The following PPP1R12C variants were observed in gnomAD, a reference collection of about 807,000 sequenced individuals.
PPP1R12C encodes protein phosphatase 1 regulatory subunit 12C.
In PPP1R12C, 48 loss-of-function variants were observed where a neutral mutation model predicts 95.6. The ratio of observed to expected loss-of-function variants is 0.50; its 90% confidence interval spans 0.40 to 0.64. The LOEUF (loss-of-function observed/expected upper bound fraction) is 0.64. Ranked by LOEUF, PPP1R12C falls within the 30% of genes least tolerant of loss-of-function variation. The pLI, the probability that PPP1R12C is intolerant of heterozygous loss-of-function variation, is 0.00. For synonymous variants in PPP1R12C, 480 were observed against 460.8 expected, an observed-to-expected ratio of 1.04 and a Z score of -0.53; for missense variants, 1,057 against 1,083.3, an observed-to-expected ratio of 0.98 and a Z score of 0.34.
At chr19:55,100,456 T>C (rs2084968301) in intron 4 of PPP1R12C, among the ~76,000 whole-genome samples, 1 of 152,260 alleles carries the variant, frequency 6.6e-6, no homozygotes, top group South Asian at 2.1e-4. Flanking sequence ...CACGAGGCTA[T>C]GAGCCGCACA....
intron 1 of PPP1R12C, chr19:55,113,286 C>G: frequency 2.5e-6 from 2 of 813,686 alleles, no homozygotes; most frequent in Non-Finnish European, 3.5e-6. Flanking sequence ...TCTGCAGGAA[C>G]GAAGCCGTGG....
At chr19:55,107,673 G>T (rs1253068961) in intron 3 of PPP1R12C, among the ~76,000 whole-genome samples, 4 of 141,444 alleles carry the variant, frequency 2.8e-5, no homozygotes, top group African/African-American at 1.1e-4. Flanking sequence ...ACACAGGAAG[G>T]GGAACATCAC....
At chr19:55,101,917 C>G (rs956950841) in intron 4 of PPP1R12C, among the ~76,000 whole-genome samples, 1 of 152,224 alleles carries the variant, frequency 6.6e-6, no homozygotes, top group South Asian at 2.1e-4. Context: ...GCCGAAGGGA[C>G]AGCGGCCTGG....
chr19:55,097,434 G>A (rs1602981869), intron 6 of PPP1R12C, among the ~76,000 whole-genome samples: 1 of 99,230 alleles, frequency 1.0e-5, no homozygotes, highest in Non-Finnish European at 1.9e-5. Context: ...GTTCACCACC[G>A]TCTTCGCCCC....
In PPP1R12C at chr19:55,091,336, C is replaced by T; in HGVS notation, c.*136G>A. 2.1e-6 allele frequency: 2 copies of T among 946,476 alleles called. No individual in the cohort carries two copies. The highest frequency in any genetic ancestry group is 5.3e-5 in the East Asian group (2 of 37,828). The allele number at this position is 946,476 out of a possible 1,614,324, so 58.6% of individuals were successfully genotyped here. On this transcript the variant is annotated 3_prime_UTR_variant, in exon 22 of 22. Coordinates refer to ENST00000263433, the MANE Select transcript of PPP1R12C (RefSeq NM_017607.4). The stretch of plus-strand genomic sequence containing the variant: ...GCTCCTGGGGACTCTGCTCCCCTCC[C>T]AGTCCGGAGGTCCCAGGGGGGCTAT...
At chr19:55,104,651 T>G (rs916322859) in intron 3 of PPP1R12C, among the ~76,000 whole-genome samples, 1 of 151,322 alleles carries the variant, frequency 6.6e-6, no homozygotes, top group Non-Finnish European at 1.5e-5. Flanking sequence ...TGCAGTGAGA[T>G]TGCACCACTG....
Position 55,091,563 on chromosome 19 carries a change from G to A in PPP1R12C, c.2263-5C>T, listed in dbSNP as rs746996507. 58 of 1,613,178 alleles carry A rather than the reference G, an allele frequency of 3.6e-5. No individual in the cohort carries two copies. The highest frequency in any genetic ancestry group is 1.3e-4 in the East Asian group (6 of 44,872). On this transcript the variant is annotated splice_polypyrimidine_tract_variant and splice_region_variant and intron_variant, in intron 21 of 21. Transcript: ENST00000263433. ...AGCGCGGAGGTCAGACAGGGCCTGG[G>A]GGACGGCAAGGGTCAGCTGGGCAGC...
chr19:55,091,654 A>G lies in PPP1R12C; in HGVS notation c.2258T>C (p.Leu753Pro). Residue 753 changes from leucine (L) to proline (P), a missense_variant, in exon 21 of 22, where the codon CTG (leucine) becomes CCG (proline). Transcript: ENST00000263433. ...ERKAAELEEE[L>P]KALSDLRADN... The stretch of plus-strand genomic sequence containing the variant: ...CACAGCCCCCACAGCCCCCACCTTC[A>G]GCTCCTCCTCCAGCTCTGCGGCCTT... 1 of 1,605,456 alleles carries G rather than the reference A, an allele frequency of 6.2e-7. No homozygotes were observed. The highest frequency in any genetic ancestry group is 8.5e-7 in the Non-Finnish European group (1 of 1,176,686).
chr19:55,113,341 C>T, intron 1 of PPP1R12C: 2 of 1,325,422 alleles, frequency 1.5e-6, no homozygotes, highest in South Asian at 1.6e-5. Context: ...TGTGCTGGGA[C>T]AGACTCAGGG....
chr19:55,117,294 G>C lies in PPP1R12C; in HGVS notation c.250C>G (p.Pro84Ala). The C allele has an allele frequency of 8.2e-7, 1 of 1,213,208 alleles. No individual in the cohort carries two copies. The highest frequency in any genetic ancestry group is 1.0e-6 in the Non-Finnish European group (1 of 977,296). 75.2% of individuals were successfully genotyped at this position (1,213,208 alleles called of 1,614,324 possible). A position where few individuals can be genotyped will look rare whatever the true frequency, so the allele number is the denominator to read the frequency against. ...GCGCGGGCGGGCGGCGGCGCGGCGG[G>C]GTCGAGCTCGGCGCCGGGGCCAGGG... ...ADPGPGAELD[P>A]AAPPPARAVL... Residue 84 changes from proline (P) to alanine (A), a missense_variant, in exon 1 of 22, where the codon CCC becomes GCC. Physicochemically the swap from Pro to Ala is conservative, Grantham distance 27. Around this residue, in one of 5 missense-constraint regions of PPP1R12C, gnomAD observed 282 missense variants for 380.4 expected, o/e 0.74. Coordinates refer to ENST00000263433, the MANE Select transcript of PPP1R12C (RefSeq NM_017607.4).
At chr19:55,096,207 A>G in intron 7 of PPP1R12C, 29 bp from the exon 8 acceptor site, 1 of 1,612,582 alleles carries the variant, frequency 6.2e-7, no homozygotes, top group Non-Finnish European at 8.5e-7. Context: ...GTGCTGGGGT[A>G]CAAGCCCGGG....
At chr19:55,104,677 G>GATA (rs1484683092) in intron 3 of PPP1R12C, among the ~76,000 whole-genome samples, 1 of 150,530 alleles carries the variant, frequency 6.6e-6, no homozygotes, top group East Asian at 2.0e-4. Context: ...CAGCCTGGGT[G>GATA]ATAGAGTGAG....
rs976497055 is a variant in PPP1R12C, at chr19:55,109,274, G to A, written c.571+3193C>T. Among the ~76,000 whole-genome samples the A allele has an allele frequency of 6.6e-6, 1 of 152,080 alleles. No individual in the cohort carries two copies. The highest frequency in any genetic ancestry group is 6.6e-5 in the Admixed American group (1 of 15,258). ...TTCCCACGCCTGGCTAATGTGTTTT[G>A]TTTTATAGAGATGGGTTCTCACTAG... On this transcript the variant is annotated intron_variant, in intron 3 of 21. Transcript: ENST00000263433. This position sits in a 1 kb window ranked among gnomAD's most constrained non-coding sequence, Gnocchi z 4.4.
chr19:55,091,567 C>A lies in PPP1R12C; in HGVS notation c.2263-9G>T. On this transcript the variant is annotated splice_polypyrimidine_tract_variant and intron_variant, in intron 21 of 21. Transcript: ENST00000263433. ...CGGAGGTCAGACAGGGCCTGGGGGA[C>A]GGCAAGGGTCAGCTGGGCAGCCCTG... is the stretch of plus-strand genomic sequence containing the variant. 2 of 1,613,076 alleles carry A rather than the reference C, an allele frequency of 1.2e-6. No homozygotes were observed. Among genetic ancestry groups the A allele is most frequent in the Non-Finnish European group, 1.7e-6 (2 of 1,179,782 alleles).
intron 3 of PPP1R12C, chr19:55,112,103 A>T: frequency 9.9e-6 from 2 of 201,380 alleles, no homozygotes; most frequent in Non-Finnish European, 2.0e-5. Context: ...CCCCAAGTAA[A>T]CGCATCCCCT....
chr19:55,097,241 C>T (rs2084927641), intron 6 of PPP1R12C, among the ~76,000 whole-genome samples: 1 of 124,156 alleles, frequency 8.1e-6, no homozygotes, highest in African/African-American at 3.3e-5. Context: ...GCGCAGTTCA[C>T]CACCGTCTTC....
Position 55,092,848 on chromosome 19 carries a change from C to T in PPP1R12C, c.1846G>A (p.Gly616Ser). 1.3e-6 allele frequency: 2 copies of T among 1,577,428 alleles called. No homozygotes were observed. The highest frequency in any genetic ancestry group is 1.7e-6 in the Non-Finnish European group (2 of 1,162,210). The change falls in exon 16 of 22, where the codon GGT becomes AGT. Residue 616 changes from glycine (G) to serine (S), a missense_variant. Coordinates refer to ENST00000263433, the MANE Select transcript of PPP1R12C (RefSeq NM_017607.4). ...TCCCTGGCCGCCTGCGGTCCCGGAC[C>T]CTGCCCGTCGGGCGCCTCTGCTGGG... ...AQRAEAPDGQ[G>S]PGPQAAREHR...
intron 1 of PPP1R12C, chr19:55,113,614 G>T: frequency 7.8e-7 from 1 of 1,283,186 alleles, no homozygotes; most frequent in Non-Finnish European, 9.9e-7. Context: ...AGCTGAGGAA[G>T]GAGTGAAGCT....
At chr19:55,113,722 G>T in intron 1 of PPP1R12C, 1 of 644,452 alleles carries the variant, frequency 1.6e-6, no homozygotes, top group Non-Finnish European at 2.2e-6. Flanking sequence ...AGGGCCAAGA[G>T]CATGAGGTCA....
Sources: gnomAD v4.1 joint callset for allele counts (sites outside exome capture counted in the v4.1 genomes callset) on GRCh38, gnomAD v4.1.1 for gene constraint, gnomAD v4.1.1 regional missense constraint, Gnocchi (gnomAD v3.1) non-coding constraint, MANE v1.5 for transcripts, NCBI Gene and HGNC (gene_info 2026-07-23, HGNC 2026-07-21) for gene names.